The following SPAG7 variants were observed in gnomAD, a reference collection of about 807,000 sequenced individuals.
SPAG7 encodes sperm associated antigen 7, also known as sperm-associated antigen 7.
Under a neutral mutation model 30.6 loss-of-function variants are expected in SPAG7, and 20 were observed. That is an observed-to-expected ratio of 0.65 (90% CI 0.46 to 0.95). SPAG7 has a LOEUF of 0.95. Among genes scored for constraint, SPAG7 ranks in the 40% least tolerant of loss-of-function variants. The pLI is 0.00. For missense variants in SPAG7, 276 were observed against 291.1 expected (o/e 0.95, Z 0.38); for synonymous variants, 127 against 104.2 (o/e 1.22, Z -1.33).
Position 4,959,522 on chromosome 17 carries a change from T to G in SPAG7, c.*12A>C, listed in dbSNP as rs201362873. On this transcript the variant is annotated 3_prime_UTR_variant, in exon 7 of 7. Coordinates refer to ENST00000206020, the MANE Select transcript of SPAG7 (RefSeq NM_004890.3). ...CCCTGCCCCAGGGGTCAAAGGGAGC[T>G]GGGCGGGGCGCCTAGGAGGTTGGCG... The G allele has an allele frequency of 6.2e-7, 1 of 1,608,572 alleles. No individual in the cohort carries two copies.
Position 4,967,745 on chromosome 17 carries a change from G to T in SPAG7, c.60C>A (p.Asp20Glu), listed in dbSNP as rs767825449. ...SSMEKPPSLG[D>E]QETRRKAREQ... Reference sequence around the variant, plus strand: ...CTCGGGCCTTGCGCCGAGTCTCCTGGTCACCGAGGCTGGGTGGCTTCTCCA... The same window carrying T: ...CTCGGGCCTTGCGCCGAGTCTCCTGTTCACCGAGGCTGGGTGGCTTCTCCA... The change falls in exon 1 of 7, where the codon GAC (aspartate) becomes GAA (glutamate). Residue 20 changes from aspartate (D) to glutamate (E), a missense_variant. Physicochemically the swap from Asp to Glu is conservative, Grantham distance 45. Coordinates refer to ENST00000206020, the MANE Select transcript of SPAG7 (RefSeq NM_004890.3). 6.2e-7 allele frequency: 1 copy of T among 1,614,074 alleles called. No homozygotes were observed. Among genetic ancestry groups the T allele is most frequent in the African/African-American group, 1.3e-5 (1 of 75,050 alleles).
At chr17:4,967,334 G>A (rs781260677) in intron 1 of SPAG7, 27 of 591,620 alleles carry the variant, frequency 4.6e-5, no homozygotes, top group South Asian at 3.9e-5. Flanking sequence ...AGCCAATAGA[G>A]ATGAAGGCAC....
chr17:4,967,232 A>T, intron 1 of SPAG7: 2 of 996,314 alleles, frequency 2.0e-6, no homozygotes, highest in South Asian at 8.3e-5. Context: ...AAGAACACAC[A>T]GAGGACCCTG....
chr17:4,961,881 C>T (rs72835090), intron 1 of SPAG7, among the ~76,000 whole-genome samples: 13,623 of 151,566 alleles, frequency 0.09, 770 homozygotes, highest in Middle Eastern at 0.13. Flanking sequence ...AAATATCTTA[C>T]TGTATATAAC....
chr17:4,963,451 AT>A (rs35484038), intron 1 of SPAG7, among the ~76,000 whole-genome samples: 4,460 of 103,256 alleles, frequency 0.043, 50 homozygotes, highest in East Asian at 0.17. Flanking sequence ...GGAAAGGGGA[AT>A]TTTTTTTTTT....
chr17:4,967,239 C>G (rs373323553), intron 1 of SPAG7: 2 of 997,812 alleles, frequency 2.0e-6, no homozygotes, highest in African/African-American at 1.7e-5. Context: ...CACAGAGGAC[C>G]CTGCAACCAA....
chr17:4,967,058 G>T (rs1971968385), intron 1 of SPAG7: 1 of 985,710 alleles, frequency 1.0e-6, no homozygotes, highest in Non-Finnish European at 1.2e-6. Flanking sequence ...AAGCTACTCC[G>T]AGAACGCAGG....
chr17:4,960,731 T>G (rs1441069896), intron 2 of SPAG7, 55 bp downstream of exon 2: 7 of 1,546,176 alleles, frequency 4.5e-6, no homozygotes, highest in Non-Finnish European at 6.3e-6. Flanking sequence ...CTTCCAATTT[T>G]AACTTATTGG....
intron 1 of SPAG7, among the ~76,000 whole-genome samples, chr17:4,961,085 C>A (rs1051870793): frequency 6.6e-6 from 1 of 152,188 alleles, no homozygotes; most frequent in Non-Finnish European, 1.5e-5. Flanking sequence ...ATAGTACTGA[C>A]CCCTATACAT....
At chr17:4,964,516 C>T (rs1402538939) in intron 1 of SPAG7, among the ~76,000 whole-genome samples, 1 of 151,616 alleles carries the variant, frequency 6.6e-6, no homozygotes, top group Non-Finnish European at 1.5e-5. Context: ...CGCCCGCCAC[C>T]ACGCCTGGAG....
chr17:4,966,803 C>G (rs1306853384), intron 1 of SPAG7: 1 of 985,506 alleles, frequency 1.0e-6, no homozygotes, highest in Non-Finnish European at 1.2e-6. Flanking sequence ...AACAAGGGGA[C>G]GAAGCGTAGG....
rs35484038 is a variant in SPAG7, at chr17:4,963,451, A to ATTT, written c.86-2601_86-2599dup. On this transcript the variant is annotated intron_variant, in intron 1 of 6. Coordinates refer to ENST00000206020, the MANE Select transcript of SPAG7 (RefSeq NM_004890.3). The stretch of plus-strand genomic sequence containing the variant: ...CATCTCGTTTACACAGGAAAGGGGA[A>ATTT]TTTTTTTTTTTTTTTTTTTTTTTTT... Among the ~76,000 whole-genome samples, 268 of 103,190 alleles carry ATTT rather than the reference A, an allele frequency of 2.6e-3. 1 individual carries two copies. The highest frequency in any genetic ancestry group is 6.1e-3 in the African/African-American group (149 of 24,238). 67.7% of individuals were successfully genotyped at this position (103,190 alleles called of 152,430 possible). A position where few individuals can be genotyped will look rare whatever the true frequency, so the allele number is the denominator to read the frequency against.
Position 4,960,057 on chromosome 17 carries a change from C to A in SPAG7, c.382G>T (p.Asp128Tyr). ...LDSYRRGEEW[D>Y]PQKAEEKRKL... ...CGCTTCTCCTCAGCCTTCTGGGGGT[C>A]CCATTCCTCTCCACGACGGTAAGAG... is the stretch of plus-strand genomic sequence containing the variant. The change falls in exon 5 of 7, where the codon GAC (aspartate) becomes TAC (tyrosine). Residue 128 changes from aspartate to tyrosine, a missense_variant. Coordinates refer to ENST00000206020, the MANE Select transcript of SPAG7 (RefSeq NM_004890.3). 1 of 1,614,140 alleles carries A rather than the reference C, an allele frequency of 6.2e-7. No homozygotes were observed. The highest frequency in any genetic ancestry group is 8.5e-7 in the Non-Finnish European group (1 of 1,180,020).
chr17:4,964,448 G>A (rs1971915100), intron 1 of SPAG7, among the ~76,000 whole-genome samples: 1 of 138,674 alleles, frequency 7.2e-6, no homozygotes, highest in African/African-American at 2.7e-5. Context: ...TGCAAGCTCC[G>A]CCTCCCGGGT....
intron 1 of SPAG7, among the ~76,000 whole-genome samples, chr17:4,962,922 T>C (rs1163764517): frequency 6.6e-6 from 1 of 150,836 alleles, no homozygotes; most frequent in Non-Finnish European, 1.5e-5. Context: ...CACCCAGCCT[T>C]GGCTAATTTT....
intron 1 of SPAG7, chr17:4,966,978 C>T: frequency 1.0e-6 from 1 of 985,484 alleles, no homozygotes; most frequent in Non-Finnish European, 1.2e-6. Flanking sequence ...CGAGCAGCCC[C>T]GGGGAGGCTC....
chr17:4,960,055 G>C lies in SPAG7; in HGVS notation c.384C>G (p.Asp128Glu), dbSNP rs1321893714. 3.7e-6 allele frequency: 6 copies of C among 1,614,126 alleles called. No homozygotes were observed. Among genetic ancestry groups the C allele is most frequent in the Non-Finnish European group, 5.1e-6 (6 of 1,180,012 alleles). ...TCCGCTTCTCCTCAGCCTTCTGGGG[G>C]TCCCATTCCTCTCCACGACGGTAAG... ...LDSYRRGEEW[D>E]PQKAEEKRKL... is the part of the protein sequence containing the mutation. Residue 128 changes from aspartate (D) to glutamate (E), a missense_variant, in exon 5 of 7, where the codon GAC (aspartate) becomes GAG (glutamate). By Grantham distance (45) the Asp-to-Glu change is conservative. Coordinates refer to ENST00000206020, the MANE Select transcript of SPAG7 (RefSeq NM_004890.3).
rs1971819885 is a variant in SPAG7, at chr17:4,959,433, G to A, written c.*101C>T. Reference sequence around the variant, plus strand: ...GCCTGAGGGACAGCTGGTAGGAGGTGGTTCAGAGGTGGGGCTCCAGGATGG... The same window carrying A: ...GCCTGAGGGACAGCTGGTAGGAGGTAGTTCAGAGGTGGGGCTCCAGGATGG... On this transcript the variant is annotated 3_prime_UTR_variant, in exon 7 of 7. Transcript: ENST00000206020. 1 of 859,486 alleles carries A rather than the reference G, an allele frequency of 1.2e-6. No homozygotes were observed. The highest frequency in any genetic ancestry group is 1.9e-6 in the Non-Finnish European group (1 of 529,952). 53.2% of individuals were successfully genotyped at this position (859,486 alleles called of 1,614,324 possible).
rs558348042 is a variant in SPAG7, at chr17:4,963,900, C to T, written c.86-3047G>A. 2.6e-5 allele frequency among the ~76,000 whole-genome samples: 4 copies of T among 152,268 alleles called. No homozygotes were observed. The South Asian group carries it at 6.2e-4, about 24-fold the overall frequency. Reference sequence around the variant, plus strand: ...TCCAAGGTTAGCTGTGAAGGGTCTTCTTTTTCTGAACTCTTGGGCTCAAGG... The same window carrying T: ...TCCAAGGTTAGCTGTGAAGGGTCTTTTTTTTCTGAACTCTTGGGCTCAAGG... On this transcript the variant is annotated intron_variant, in intron 1 of 6. Coordinates refer to ENST00000206020, the MANE Select transcript of SPAG7 (RefSeq NM_004890.3).
Sources: allele counts gnomAD v4.1 joint callset (sites outside exome capture counted in the v4.1 genomes callset), GRCh38; gene constraint gnomAD v4.1.1; transcripts MANE v1.5; gene names NCBI Gene and HGNC (gene_info 2026-07-23, HGNC 2026-07-21).